The following RNF216 variants were observed in gnomAD, a reference collection of about 807,000 sequenced individuals.
RNF216 encodes ring finger protein 216.
RNF216 carries 72 observed loss-of-function variants against 110.8 expected under a neutral mutation model. That is an observed-to-expected ratio of 0.65 (90% CI 0.54 to 0.79). The LOEUF is 0.79. Among genes scored for constraint, RNF216 ranks in the 30% least tolerant of loss-of-function variants. The pLI is 0.00. For synonymous variants in RNF216, 495 were observed against 407.5 expected, an observed-to-expected ratio of 1.21 and a Z score of -2.59; for missense variants, 1,342 against 1,141.2, an observed-to-expected ratio of 1.18 and a Z score of -2.54.
At chr7:5,715,410 T>A (rs940429480) in intron 10 of RNF216, among the ~76,000 whole-genome samples, 1 of 152,222 alleles carries the variant, frequency 6.6e-6, no homozygotes, top group Non-Finnish European at 1.5e-5. Context: ...GAGGTTTTCG[T>A]GTTTTTTTTC....
chr7:5,676,793 G>A (rs991354694), intron 13 of RNF216, among the ~76,000 whole-genome samples: 1 of 152,204 alleles, frequency 6.6e-6, no homozygotes, highest in African/African-American at 2.4e-5. Flanking sequence ...ACACAGAAAA[G>A]CCACTGGACT....
rs1562419236 is a variant in RNF216, at chr7:5,712,743, C to T, written c.1954G>A (p.Ala652Thr). The change falls in exon 12 of 17, where the codon GCG becomes ACG. Residue 652 changes from alanine to threonine, a missense_variant. Physicochemically the swap from Ala to Thr is moderately conservative, Grantham distance 58. Transcript: ENST00000389902. ...YYERKAEEEV[A>T]AAYADELVRC... Reference sequence around the variant, plus strand: ...ACAAGCTCGTCGGCGTAGGCTGCCGCAACCTCCTCCTCGGCTTTTCGCTCA... The same window carrying T: ...ACAAGCTCGTCGGCGTAGGCTGCCGTAACCTCCTCCTCGGCTTTTCGCTCA... 6.2e-7 allele frequency: 1 copy of T among 1,614,152 alleles called. No homozygotes were observed. The highest frequency in any genetic ancestry group is 1.1e-5 in the South Asian group (1 of 91,086).
At chr7:5,660,219 T>C (rs1243908586) in intron 13 of RNF216, among the ~76,000 whole-genome samples, 7 of 143,488 alleles carry the variant, frequency 4.9e-5, no homozygotes, top group African/African-American at 1.8e-4. Context: ...TCCCAAACTG[T>C]TGGGATTATA....
At chr7:5,690,721 G>C (rs1407208871) in intron 13 of RNF216, among the ~76,000 whole-genome samples, 2 of 152,194 alleles carry the variant, frequency 1.3e-5, no homozygotes, top group Middle Eastern at 3.2e-3. Flanking sequence ...GTGAGAGGTA[G>C]AGTGAAGATC....
chr7:5,747,937 T>C (rs150834804), intron 3 of RNF216, among the ~76,000 whole-genome samples: 3 of 152,186 alleles, frequency 2.0e-5, no homozygotes, highest in African/African-American at 7.2e-5. Flanking sequence ...AGCCACTGTG[T>C]CTGCCCTGAC....
Position 5,752,825 on chromosome 7 carries a change from G to C in RNF216, c.201+21C>G, listed in dbSNP as rs764694337. On this transcript the variant is annotated intron_variant, in intron 3 of 16. Transcript: ENST00000389902. ...CACCAACTTGCAATAATGTCTCATT[G>C]TAAGTTTAAAGAAAACTCACTTCTG... 4 of 1,606,096 alleles carry C rather than the reference G, an allele frequency of 2.5e-6. No homozygotes were observed. The East Asian group carries it at 8.9e-5, about 36-fold the overall frequency.
At chr7:5,765,695 T>G (rs913804751) in intron 1 of RNF216, among the ~76,000 whole-genome samples, 1 of 150,116 alleles carries the variant, frequency 6.7e-6, no homozygotes, top group Non-Finnish European at 1.5e-5. Context: ...GTAATCCCAG[T>G]ACTTCGGGCG....
chr7:5,656,132 G>C (rs890900957), intron 13 of RNF216, among the ~76,000 whole-genome samples: 1 of 152,174 alleles, frequency 6.6e-6, no homozygotes, highest in African/African-American at 2.4e-5. Context: ...AGCCGGGCAT[G>C]GTGGCGGGCT....
chr7:5,722,359 T>C (rs1562429772), intron 8 of RNF216, among the ~76,000 whole-genome samples: 1 of 136,618 alleles, frequency 7.3e-6, no homozygotes, highest in African/African-American at 2.7e-5. Context: ...TTTCTCTTGC[T>C]CATTCTCATG....
intron 12 of RNF216, among the ~76,000 whole-genome samples, chr7:5,712,421 C>A (rs886079544): frequency 1.3e-5 from 2 of 150,290 alleles, no homozygotes; most frequent in Non-Finnish European, 2.9e-5. Context: ...TGTAGTGAGC[C>A]AAGATTGCAC....
intron 13 of RNF216, among the ~76,000 whole-genome samples, chr7:5,675,828 G>A (rs1048521044): frequency 3.3e-5 from 5 of 150,850 alleles, no homozygotes; most frequent in Non-Finnish European, 7.4e-5. Context: ...TCCTGCCTCA[G>A]CCTCCTGAGT....
At chr7:5,653,816 G>A (rs563669051) in intron 13 of RNF216, among the ~76,000 whole-genome samples, 31 of 151,958 alleles carry the variant, frequency 2.0e-4, no homozygotes, top group South Asian at 8.3e-4. Context: ...ATAGGGCGGC[G>A]AAAACAGATC....
In RNF216 at chr7:5,655,519, T is replaced by C. The variant is rs555146877; in HGVS notation, c.2062-3009A>G. The stretch of plus-strand genomic sequence containing the variant: ...TCCCTGTGAGGCTGAGGCAGGAGAA[T>C]TGCTTGAACCTGGGGGGCGGAGGTT... On this transcript the variant is annotated intron_variant, in intron 13 of 16. Coordinates refer to ENST00000389902, the MANE Select transcript of RNF216 (RefSeq NM_207111.4). 4.6e-5 allele frequency among the ~76,000 whole-genome samples: 7 copies of C among 152,058 alleles called. No homozygotes were observed. The East Asian group carries it at 7.8e-4, about 17-fold the overall frequency.
chr7:5,640,544 TG>T (rs1250603239), intron 15 of RNF216, among the ~76,000 whole-genome samples: 1 of 152,212 alleles, frequency 6.6e-6, no homozygotes, highest in Admixed American at 6.5e-5. Flanking sequence ...TTAATTTCCT[TG>T]CCAGCCTTGC....
Position 5,711,778 on chromosome 7 carries a change from T to A in RNF216, c.2044A>T (p.Asn682Tyr). ...CTCCCTACCTTTCGGCAGTGAGGAT[T>A]AGGACAGCTGAACCTCTTCACATCA... ...DSDVKRFSCPNPHCRKETCRK... is the reference protein window; with the variant it reads ...DSDVKRFSCPYPHCRKETCRK... The change falls in exon 13 of 17, where the codon AAT becomes TAT. Residue 682 changes from asparagine (N) to tyrosine (Y), a missense_variant. Coordinates refer to ENST00000389902, the MANE Select transcript of RNF216 (RefSeq NM_207111.4). 1 of 1,613,686 alleles carries A rather than the reference T, an allele frequency of 6.2e-7. No homozygotes were observed. Among genetic ancestry groups the A allele is most frequent in the Non-Finnish European group, 8.5e-7 (1 of 1,179,834 alleles).
At chr7:5,755,526 G>C (rs144954302) in intron 2 of RNF216, among the ~76,000 whole-genome samples, 1 of 152,138 alleles carries the variant, frequency 6.6e-6, no homozygotes, top group African/African-American at 2.4e-5. Flanking sequence ...GCTCTCCTTC[G>C]TCCTCAAAGG....
chr7:5,686,714 C>G lies in RNF216; in HGVS notation c.2061+25047G>C, dbSNP rs73339951. ...ATTTGCGGCAATGACATATTACCTA[C>G]AGAAGATCTTAAAACAGCGGTCCCC... On this transcript the variant is annotated intron_variant, in intron 13 of 16. Coordinates refer to ENST00000389902, the MANE Select transcript of RNF216 (RefSeq NM_207111.4). 5.7e-3 allele frequency among the ~76,000 whole-genome samples: 863 copies of G among 152,340 alleles called. 9 individuals carry two copies. Among genetic ancestry groups the G allele is most frequent in the African/African-American group, 0.02 (816 of 41,568 alleles).
chr7:5,643,962 CCTT>C (rs1429586713), intron 14 of RNF216, among the ~76,000 whole-genome samples: 3 of 152,140 alleles, frequency 2.0e-5, no homozygotes, highest in Non-Finnish European at 4.4e-5. Flanking sequence ...TGTTTTTGTG[CCTT>C]TTTTCACTTA....
At chr7:5,770,024 CAAAAAA>C (rs1163710982) in intron 1 of RNF216, among the ~76,000 whole-genome samples, 13 of 24,150 alleles carry the variant, frequency 5.4e-4, no homozygotes, top group African/African-American at 7.4e-4. Context: ...AGACCCATCT[CAAAAAA>C]AAAAAAAAAA....
Sources: allele counts gnomAD v4.1 joint callset (sites outside exome capture counted in the v4.1 genomes callset), GRCh38; gene constraint gnomAD v4.1.1; transcripts MANE v1.5; gene names NCBI Gene and HGNC (gene_info 2026-07-23, HGNC 2026-07-21).